PANX2: variants seen among roughly 807,000 people sequenced by gnomAD.
The protein encoded by PANX2 is pannexin-2.
In PANX2, 30 loss-of-function variants were observed where a neutral mutation model predicts 38.7. That is an observed-to-expected ratio of 0.78 (90% CI 0.58 to 1.05). PANX2 has a LOEUF of 1.05. Among genes scored for constraint, PANX2 ranks in the 50% least tolerant of loss-of-function variants. The pLI is 0.00. For synonymous variants in PANX2, 539 were observed against 472.1 expected (o/e 1.14, Z -1.84); for missense variants, 880 against 979.3 (o/e 0.90, Z 1.35).
Position 50,177,158 on chromosome 22 carries a change from G to C in PANX2, c.446G>C (p.Arg149Pro). 2 of 1,608,046 alleles carry C rather than the reference G, an allele frequency of 1.2e-6. No homozygotes were observed. The highest frequency in any genetic ancestry group is 1.7e-6 in the Non-Finnish European group (2 of 1,177,256). ...GGCTGGGAGTTCCTGGCCTCCACGCGCCTCACCTCCGAGCTCAACTTCCTG... is the reference window on the plus strand; with the variant it reads ...GGCTGGGAGTTCCTGGCCTCCACGCCCCTCACCTCCGAGCTCAACTTCCTG... ...ALGWEFLASTRLTSELNFLLQ... is the reference protein window; with the variant it reads ...ALGWEFLASTPLTSELNFLLQ... The change falls in exon 2 of 3, where the codon CGC (arginine) becomes CCC (proline). Residue 149 changes from arginine to proline, a missense_variant. This residue lies in a region of PANX2 where 243 missense variants were observed against 333.1 expected (regional missense o/e 0.73). Coordinates refer to ENST00000395842, the MANE Select transcript of PANX2 (RefSeq NM_052839.4).
intron 1 of PANX2, among the ~76,000 whole-genome samples, chr22:50,172,246 G>A (rs577204558): frequency 1.8e-4 from 28 of 152,332 alleles, no homozygotes; most frequent in South Asian, 1.5e-3. Flanking sequence ...TCATGGTTCC[G>A]GAGGCCAAAA....
Position 50,177,511 on chromosome 22 carries a change from G to C in PANX2, c.799G>C (p.Gly267Arg), listed in dbSNP as rs746496067. The C allele has an allele frequency of 1.2e-6, 2 of 1,609,276 alleles. No individual in the cohort carries two copies. The highest frequency in any genetic ancestry group is 8.5e-7 in the Non-Finnish European group (1 of 1,178,162). Reference sequence around the variant, plus strand: ...CTGCGCGCTGGGCGCGTCCCCGGACGGGGCGGCAGGTGCGGGGCCCGCGGT... The same window carrying C: ...CTGCGCGCTGGGCGCGTCCCCGGACCGGGCGGCAGGTGCGGGGCCCGCGGT... ...FTCALGASPD[G>R]AAGAGPAVRV... Residue 267 changes from glycine (G) to arginine (R), a missense_variant, in exon 2 of 3, where the codon GGG becomes CGG. Gly to Arg is a moderately radical substitution (Grantham distance 125). Around this residue, in one of 4 missense-constraint regions of PANX2, gnomAD observed 114 missense variants for 108.8 expected, o/e 1.05. Transcript: ENST00000395842.
At chr22:50,173,124 C>A (rs2063642845) in intron 1 of PANX2, among the ~76,000 whole-genome samples, 1 of 151,984 alleles carries the variant, frequency 6.6e-6, no homozygotes. Flanking sequence ...TCTCGATCTC[C>A]TGACCTCGTG....
rs2063678098 is a variant in PANX2 at position 50,178,409 on chromosome 22, G to A, written c.1690+7G>A. On this transcript the variant is annotated splice_region_variant and intron_variant, in intron 2 of 2. Transcript: ENST00000395842. ...GCCCCGGCGCCCATCAAAGGTAGGG[G>A]CAGGGCCGGAGAGAGGGGACGGGGG... is the stretch of plus-strand genomic sequence containing the variant. 1.4e-6 allele frequency: 2 copies of A among 1,401,816 alleles called. No homozygotes were observed. The highest frequency in any genetic ancestry group is 1.6e-5 in the South Asian group (1 of 63,822). 86.8% of individuals were successfully genotyped at this position (1,401,816 alleles called of 1,614,324 possible). A position where few individuals can be genotyped will look rare whatever the true frequency, so the allele number is the denominator to read the frequency against.
intron 1 of PANX2, among the ~76,000 whole-genome samples, chr22:50,171,908 G>A (rs200697085): frequency 4.6e-5 from 7 of 152,312 alleles, no homozygotes; most frequent in East Asian, 3.9e-4. Context: ...CAGCACTGGC[G>A]CTTCCCAAAT....
Position 50,179,254 on chromosome 22 carries a change from G to C in PANX2, c.2011G>C (p.Val671Leu), listed in dbSNP as rs753360302. Residue 671 changes from valine (V) to leucine (L), a missense_variant, in exon 3 of 3, where the codon GTC becomes CTC. By Grantham distance (32) the Val-to-Leu change is conservative. Coordinates refer to ENST00000395842, the MANE Select transcript of PANX2 (RefSeq NM_052839.4). ...LIATFDEPRT[V>L]VSTVEF ...CGCCACCTTCGACGAGCCGAGAACG[G>C]TCGTGAGTACTGTGGAGTTTTGAGG... 17 of 1,612,540 alleles carry C rather than the reference G, an allele frequency of 1.1e-5. No homozygotes were observed. Among genetic ancestry groups the C allele is most frequent in the Non-Finnish European group, 1.4e-5 (16 of 1,179,860 alleles).
intron 1 of PANX2, among the ~76,000 whole-genome samples, chr22:50,173,153 C>G (rs1389027455): frequency 6.6e-6 from 1 of 152,032 alleles, no homozygotes; most frequent in Non-Finnish European, 1.5e-5. Flanking sequence ...ACCTTGGCCT[C>G]CCAAAGTGCT....
rs143361988 is a variant in PANX2, at chr22:50,178,054, G to T, written c.1342G>T (p.Ala448Ser). 2.5e-4 allele frequency: 387 copies of T among 1,552,790 alleles called. No homozygotes were observed. The highest frequency in any genetic ancestry group is 3.1e-4 in the Non-Finnish European group (355 of 1,156,564). The change falls in exon 2 of 3, where the codon GCC (alanine) becomes TCC (serine). Residue 448 changes from alanine to serine, a missense_variant. Ala to Ser is a moderately conservative substitution (Grantham distance 99, BLOSUM62 1). Transcript: ENST00000395842. Reference sequence around the variant, plus strand: ...TCCGCAGCCCTTCAAGGAGCCGCTGGCCATCATGCGCGTGGAGAACAGCAA... The same window carrying T: ...TCCGCAGCCCTTCAAGGAGCCGCTGTCCATCATGCGCGTGGAGAACAGCAA... ...PLPQPFKEPLAIMRVENSKAE... is the reference protein window; with the variant it reads ...PLPQPFKEPLSIMRVENSKAE...
chr22:50,171,738 G>T (rs775870150), intron 1 of PANX2, among the ~76,000 whole-genome samples: 10 of 152,214 alleles, frequency 6.6e-5, no homozygotes, highest in Non-Finnish European at 1.3e-4. Flanking sequence ...GGCGAGACAG[G>T]TGGAGCCGAG....
At chr22:50,178,542 A>G (rs1237857118) in intron 2 of PANX2, 140 bp downstream of exon 2, 3 of 575,694 alleles carry the variant, frequency 5.2e-6, no homozygotes, top group East Asian at 6.6e-5. Flanking sequence ...GGGGGAAGGG[A>G]GGAGGCCGAG....
rs1345108252 is a variant in PANX2, at chr22:50,177,399, G to A, written c.687G>A (p.Ala229=). 8 of 1,609,142 alleles carry A rather than the reference G, an allele frequency of 5.0e-6. No individual in the cohort carries two copies. Among genetic ancestry groups the A allele is most frequent in the Non-Finnish European group, 6.8e-6 (8 of 1,178,336 alleles). ...RSNFLAKLYL[A]RHVLILLLSA... The stretch of plus-strand genomic sequence containing the variant: ...ACTTCCTGGCCAAGCTGTACCTGGC[G>A]CGGCACGTGCTGATCCTGCTGCTGA... Residue 229 remains alanine (A), a synonymous_variant, in exon 2 of 3, where the codon GCG becomes GCA. Coordinates refer to ENST00000395842, the MANE Select transcript of PANX2 (RefSeq NM_052839.4).
rs2063685822 is a variant in PANX2, at chr22:50,179,361, G to A, written c.*84G>A. 3 of 1,258,824 alleles carry A rather than the reference G, an allele frequency of 2.4e-6. No homozygotes were observed. Among genetic ancestry groups the A allele is most frequent in the East Asian group, 2.5e-5 (1 of 40,606 alleles). The allele number at this position is 1,258,824 out of a possible 1,614,324, so 78.0% of individuals were successfully genotyped here. On this transcript the variant is annotated 3_prime_UTR_variant, in exon 3 of 3. Transcript: ENST00000395842. ...GCCTCCCGGTGGACACCAGCCCTGC[G>A]TGGACGTGGCCTGTGCTTCGCCCGC...
In PANX2 at chr22:50,177,282, C is replaced by G. The variant is rs1338953610; in HGVS notation, c.570C>G (p.Arg190=). ...IQSKGPGITE[R]EKREIIENAE... The stretch of plus-strand genomic sequence containing the variant: ...CCAAGGGCCCGGGCATCACGGAGCG[C>G]GAGAAGCGCGAGATCATCGAGAACG... The change falls in exon 2 of 3, where the codon CGC becomes CGG. Residue 190 remains arginine, a synonymous_variant. Transcript: ENST00000395842. 2.5e-6 allele frequency: 4 copies of G among 1,612,158 alleles called. No homozygotes were observed. The highest frequency in any genetic ancestry group is 3.4e-6 in the Non-Finnish European group (4 of 1,179,744).
At chr22:50,175,478 C>G (rs1160700492) in intron 1 of PANX2, 1 of 1,291,340 alleles carries the variant, frequency 7.7e-7, no homozygotes, top group Non-Finnish European at 1.0e-6. Context: ...GAGGACAAAA[C>G]ATAAGTAAAT....
intron 1 of PANX2, among the ~76,000 whole-genome samples, chr22:50,173,644 G>A (rs565114216): frequency 1.5e-4 from 23 of 152,376 alleles, no homozygotes; most frequent in Admixed American, 1.3e-3. Flanking sequence ...TTAGCTTCCT[G>A]TGGCTGCTGG....
rs1294455053 is a variant in PANX2 at position 50,170,786 on chromosome 22, A to AT, written c.56_57insT (p.Glu19AspfsTer102). 7.1e-7 allele frequency: 1 copy of AT among 1,410,012 alleles called. No individual in the cohort carries two copies. The highest frequency in any genetic ancestry group is 9.3e-7 in the Non-Finnish European group (1 of 1,070,562). 87.3% of individuals were successfully genotyped at this position (1,410,012 alleles called of 1,614,324 possible). A position where few individuals can be genotyped will look rare whatever the true frequency, so the allele number is the denominator to read the frequency against. Reference sequence around the variant, plus strand: ...ATGGCGACCGCGCTGCTGGCGGGAGAGAAGCTGCGGGAGCTGATCCTGCCG... The same window carrying AT: ...ATGGCGACCGCGCTGCTGGCGGGAGATGAAGCTGCGGGAGCTGATCCTGCCG... On this transcript the variant is annotated frameshift_variant, in exon 1 of 3. Coordinates refer to ENST00000395842, the MANE Select transcript of PANX2 (RefSeq NM_052839.4). LOFTEE classifies it high-confidence loss of function.
Position 50,179,205 on chromosome 22 carries a change from C to A in PANX2, c.1962C>A (p.Ile654=), listed in dbSNP as rs1318121709. The change falls in exon 3 of 3, where the codon ATC becomes ATA. Residue 654 remains isoleucine (I), a synonymous_variant. Transcript: ENST00000395842. ...AGGACGTGGGGGACCTCATCGCCAT[C>A]CCTGCCCCACAGCAGATCCTCATCG... ...LPQDVGDLIA[I]PAPQQILIAT... 6.2e-7 allele frequency: 1 copy of A among 1,612,630 alleles called. No individual in the cohort carries two copies. The highest frequency in any genetic ancestry group is 1.1e-5 in the South Asian group (1 of 91,090).
intron 1 of PANX2, among the ~76,000 whole-genome samples, chr22:50,174,617 C>T (rs759327735): frequency 3.3e-5 from 5 of 152,226 alleles, no homozygotes; most frequent in East Asian, 3.9e-4. Context: ...GGGCCCCTGG[C>T]GGCGGCTCTG....
chr22:50,176,803 C>T, intron 1 of PANX2, 136 bp from the exon 2 acceptor site: 3 of 942,126 alleles, frequency 3.2e-6, no homozygotes, highest in Non-Finnish European at 3.0e-6. Flanking sequence ...TCTGGGCAAC[C>T]GCAGGTGCTG....
Sources: gnomAD v4.1 joint callset for allele counts (sites outside exome capture counted in the v4.1 genomes callset) on GRCh38, gnomAD v4.1.1 for gene constraint, gnomAD v4.1.1 regional missense constraint, MANE v1.5 for transcripts, NCBI Gene and HGNC (gene_info 2026-07-23, HGNC 2026-07-21) for gene names.